The following PIP4K2A variants were observed in gnomAD, a reference collection of about 807,000 sequenced individuals.
PIP4K2A encodes phosphatidylinositol-5-phosphate 4-kinase type 2 alpha, also known as phosphatidylinositol 5-phosphate 4-kinase type-2 alpha.
PIP4K2A carries 14 observed loss-of-function variants against 42.9 expected under a neutral mutation model. The ratio of observed to expected loss-of-function variants is 0.33; its 90% CI spans 0.22 to 0.51. The LOEUF (loss-of-function observed/expected upper bound fraction) is 0.51, where lower values mean the gene tolerates loss of function less well. Ranked by LOEUF, PIP4K2A falls within the 20% of genes least tolerant of loss-of-function variation. The pLI is 0.97. For synonymous variants in PIP4K2A, 192 were observed against 192.2 expected, an observed-to-expected ratio of 1.00 and a Z score of 0.01; for missense variants, 434 against 519.8, an observed-to-expected ratio of 0.83 and a Z score of 1.61.
At chr10:22,583,019 G>C (rs541275964) in intron 4 of PIP4K2A, among the ~76,000 whole-genome samples, 10 of 151,946 alleles carry the variant, frequency 6.6e-5, no homozygotes, top group Admixed American at 6.5e-4. Flanking sequence ...AAAGGAACAA[G>C]CATTCTTCTG....
intron 1 of PIP4K2A, among the ~76,000 whole-genome samples, chr10:22,628,068 TA>T (rs1365584214): frequency 3.3e-5 from 5 of 152,224 alleles, no homozygotes; most frequent in Admixed American, 3.3e-4. Context: ...ATTTTACTAT[TA>T]TATCTAGCAA....
chr10:22,696,326 A>G (rs1019233987), intron 1 of PIP4K2A, among the ~76,000 whole-genome samples: 12 of 152,204 alleles, frequency 7.9e-5, no homozygotes, highest in African/African-American at 2.7e-4. Flanking sequence ...CCCAACTGTT[A>G]TAAGTGTGTT....
chr10:22,683,068 C>T (rs865837309), intron 1 of PIP4K2A, among the ~76,000 whole-genome samples: 3 of 143,310 alleles, frequency 2.1e-5, no homozygotes, highest in Non-Finnish European at 4.6e-5. Flanking sequence ...AGAAAAACAA[C>T]AACAACAACA....
chr10:22,646,964 A>C (rs968948600), intron 1 of PIP4K2A, among the ~76,000 whole-genome samples: 1 of 151,700 alleles, frequency 6.6e-6, no homozygotes, highest in Admixed American at 6.5e-5. Flanking sequence ...AAAACAAAAA[A>C]AAACAAACCA....
intron 1 of PIP4K2A, among the ~76,000 whole-genome samples, chr10:22,677,240 G>A (rs914393415): frequency 3.9e-5 from 6 of 151,960 alleles, no homozygotes; most frequent in Non-Finnish European, 7.4e-5. Context: ...TCCGGGCACC[G>A]ATTCCACACC....
intron 1 of PIP4K2A, among the ~76,000 whole-genome samples, chr10:22,657,161 C>A (rs16922564): frequency 0.13 from 20,061 of 152,134 alleles, 1,575 homozygotes; most frequent in Middle Eastern, 0.22. Context: ...TACTTTGTAG[C>A]ACTCAGGCCA....
chr10:22,612,614 C>T (rs563928048), intron 1 of PIP4K2A, among the ~76,000 whole-genome samples: 1 of 152,116 alleles, frequency 6.6e-6, no homozygotes. Context: ...GCAGCAGAAA[C>T]GAAAGAAGCA....
At chr10:22,680,358 A>G (rs2031506703) in intron 1 of PIP4K2A, among the ~76,000 whole-genome samples, 1 of 152,214 alleles carries the variant, frequency 6.6e-6, no homozygotes, top group African/African-American at 2.4e-5. Flanking sequence ...ATTATGAGTA[A>G]TTTAAATATT....
chr10:22,566,527 T>A (rs1360073849), intron 6 of PIP4K2A, among the ~76,000 whole-genome samples: 2 of 152,118 alleles, frequency 1.3e-5, no homozygotes, highest in Non-Finnish European at 2.9e-5. Context: ...TAGATTTGTC[T>A]TCCCAAATCT....
At position 22,664,156 on chromosome 10, in the gene PIP4K2A, TATATATATATAC is replaced by T. The variant is rs1357878254; in HGVS notation, c.144+50015_144+50026del. 3.6e-3 allele frequency among the ~76,000 whole-genome samples: 212 copies of T among 59,506 alleles called. 4 individuals carry two copies. Among genetic ancestry groups the T allele is most frequent in the Non-Finnish European group, 4.8e-3 (179 of 37,128 alleles). 39.0% of individuals were successfully genotyped at this position (59,506 alleles called of 152,430 possible). ...ATATATATATACATATATATACACA[TATATATATATAC>T]ATATATATATATACATATATATACA... is the stretch of plus-strand genomic sequence containing the variant. On this transcript the variant is annotated intron_variant, in intron 1 of 9. Coordinates refer to ENST00000376573, the MANE Select transcript of PIP4K2A (RefSeq NM_005028.5).
chr10:22,692,202 A>G (rs1028174129), intron 1 of PIP4K2A, among the ~76,000 whole-genome samples: 1 of 151,978 alleles, frequency 6.6e-6, no homozygotes, highest in African/African-American at 2.4e-5. Flanking sequence ...TTAGATTTTC[A>G]TAAGGAGTGA....
At chr10:22,564,973 T>G (rs1836807123) in intron 6 of PIP4K2A, among the ~76,000 whole-genome samples, 1 of 152,250 alleles carries the variant, frequency 6.6e-6, no homozygotes, top group Non-Finnish European at 1.5e-5. Flanking sequence ...GAAAGTTTCA[T>G]GAGGATGGGG....
intron 1 of PIP4K2A, among the ~76,000 whole-genome samples, chr10:22,645,025 C>T (rs1345017170): frequency 2.6e-5 from 4 of 152,182 alleles, no homozygotes. Flanking sequence ...ATGCTGGGGA[C>T]TTACTAAAAG....
chr10:22,575,710 C>G (rs906936908), intron 4 of PIP4K2A, among the ~76,000 whole-genome samples: 3 of 152,024 alleles, frequency 2.0e-5, no homozygotes, highest in African/African-American at 7.3e-5. Flanking sequence ...GAGGCCAAGG[C>G]AGGTGGATCA....
rs146951806 is a variant in PIP4K2A at position 22,541,193 on chromosome 10, A to T, written c.1036+611T>A. Among the ~76,000 whole-genome samples, 426 of 152,328 alleles carry T rather than the reference A, an allele frequency of 2.8e-3. 3 individuals are homozygous for T. The highest frequency in any genetic ancestry group is 5.0e-3 in the Non-Finnish European group (341 of 68,022). On this transcript the variant is annotated intron_variant, in intron 8 of 9. Coordinates refer to ENST00000376573, the MANE Select transcript of PIP4K2A (RefSeq NM_005028.5). ...ATCTGACTCTAGGGAAGAGGGCCAT[A>T]GGCCCTTCCATGGGGGAGGACAGCA...
intron 1 of PIP4K2A, among the ~76,000 whole-genome samples, chr10:22,678,871 C>G (rs564675293): frequency 5.3e-5 from 8 of 152,178 alleles, no homozygotes; most frequent in Non-Finnish European, 8.8e-5. Flanking sequence ...CTACTTATAC[C>G]TAGAGTATTA....
Position 22,539,903 on chromosome 10 carries a change from G to T in PIP4K2A, c.1140+68C>A, listed in dbSNP as rs368795654. On this transcript the variant is annotated intron_variant, in intron 9 of 9. Coordinates refer to ENST00000376573, the MANE Select transcript of PIP4K2A (RefSeq NM_005028.5). ...AGGAGCCAGGAGAGAGAGAGAGAGA[G>T]AGAGAGAGGGAGAGAGAGAGAGAGA... is the stretch of plus-strand genomic sequence containing the variant. The T allele has an allele frequency of 9.4e-4, 401 of 424,728 alleles. 2 individuals carry two copies. In the African/African-American group the frequency reaches 0.011, roughly 12 times the overall value. The allele number at this position is 424,728 out of a possible 1,614,324, so 26.3% of individuals were successfully genotyped here.
intron 1 of PIP4K2A, among the ~76,000 whole-genome samples, chr10:22,610,901 TGAA>T (rs1838020362): frequency 6.6e-6 from 1 of 152,134 alleles, no homozygotes; most frequent in African/African-American, 2.4e-5. Context: ...TTCCCACAGA[TGAA>T]GATCAATCAA....
At chr10:22,689,864 G>C (rs1839828285) in intron 1 of PIP4K2A, among the ~76,000 whole-genome samples, 1 of 152,154 alleles carries the variant, frequency 6.6e-6, no homozygotes, top group Non-Finnish European at 1.5e-5. Flanking sequence ...AACTGCTCAA[G>C]TTTTTCTTTA....
Sources: gnomAD v4.1 joint callset for allele counts (sites outside exome capture counted in the v4.1 genomes callset) on GRCh38, gnomAD v4.1.1 for gene constraint, MANE v1.5 for transcripts, NCBI Gene and HGNC (gene_info 2026-07-23, HGNC 2026-07-21) for gene names.